TNPO3: variants seen among roughly 807,000 people sequenced by gnomAD.
The protein encoded by TNPO3 is transportin 3.
TNPO3 carries 65 observed loss-of-function variants against 122.8 expected under a neutral mutation model. The ratio of observed to expected loss-of-function variants is 0.53; its 90% CI spans 0.43 to 0.65. The LOEUF is 0.65. TNPO3 is among the 30% of genes least tolerant of loss of function. The pLI is 0.00. For missense variants in TNPO3, 850 were observed against 1,136.7 expected (o/e 0.75, Z 3.63); for synonymous variants, 372 against 411.2 (o/e 0.90, Z 1.15).
Position 129,015,101 on chromosome 7 carries a change from G to C in TNPO3, c.430C>G (p.Leu144Val). Reference protein sequence around the residue: ...SNDVTSLPFLLEILTVLPEEV... With the variant: ...SNDVTSLPFLVEILTVLPEEV... ...TCAGGTAACACTGTAAGGATCTCCA[G>C]CAAAAAAGGCAAAGAAGTCACATCA... The change falls in exon 4 of 23, where the codon CTG becomes GTG. Residue 144 changes from leucine (L) to valine (V), a missense_variant. By Grantham distance (32) the Leu-to-Val change is conservative (BLOSUM62 1). Transcript: ENST00000265388. 1 of 1,609,376 alleles carries C rather than the reference G, an allele frequency of 6.2e-7. No homozygotes were observed. Among genetic ancestry groups the C allele is most frequent in the Non-Finnish European group, 8.5e-7 (1 of 1,178,994 alleles).
chr7:128,982,201 A>G, intron 14 of TNPO3, 47 bp downstream of exon 14: 1 of 1,527,458 alleles, frequency 6.5e-7, no homozygotes. Flanking sequence ...CAATGGTTTC[A>G]TTTGAGCCTT....
intron 10 of TNPO3, among the ~76,000 whole-genome samples, chr7:128,991,010 A>T (rs1392513895): frequency 6.6e-6 from 1 of 152,206 alleles, no homozygotes; most frequent in Non-Finnish European, 1.5e-5. Flanking sequence ...TTTATGACTT[A>T]TGTTTCCTAG....
At chr7:129,037,515 G>A (rs1806828260) in intron 1 of TNPO3, among the ~76,000 whole-genome samples, 2 of 152,172 alleles carry the variant, frequency 1.3e-5, no homozygotes, top group Middle Eastern at 3.4e-3. Context: ...CCTGGGACTC[G>A]CAGACACAAG....
chr7:128,961,985 A>T (rs1797501076), intron 21 of TNPO3, among the ~76,000 whole-genome samples: 1 of 152,238 alleles, frequency 6.6e-6, no homozygotes, highest in South Asian at 2.1e-4. Flanking sequence ...GGTCTTAGTT[A>T]ATGATAGGTT....
At chr7:129,048,988 G>A (rs980120794) in intron 1 of TNPO3, among the ~76,000 whole-genome samples, 2 of 152,192 alleles carry the variant, frequency 1.3e-5, no homozygotes, top group African/African-American at 2.4e-5. Context: ...TTATAAAAAG[G>A]CAAACACAAT....
intron 14 of TNPO3, 41 bp from the exon 15 acceptor site, chr7:128,980,072 A>G (rs763234765): frequency 5.1e-6 from 8 of 1,570,156 alleles, no homozygotes; most frequent in East Asian, 2.2e-5. Flanking sequence ...ACAAAGACCA[A>G]TTTCACTGAG....
chr7:128,994,904 C>G (rs904342422), intron 8 of TNPO3, among the ~76,000 whole-genome samples: 4 of 152,080 alleles, frequency 2.6e-5, no homozygotes, highest in Non-Finnish European at 5.9e-5. Context: ...GCGATCTGCC[C>G]GCCTTGCCCT....
At position 128,979,034 on chromosome 7, in the gene TNPO3, A is replaced by G. The variant is rs768627085; in HGVS notation, c.2010T>C (p.Val670=). Residue 670 remains valine (V), a synonymous_variant, in exon 16 of 23, where the codon GTT becomes GTC. Transcript: ENST00000265388. Reference sequence around the variant, plus strand: ...CTGCAGATCCTTTGCCTACACAGCGAACAGCAAAGCGCAGGCACCTGCAAC... The same window carrying G: ...CTGCAGATCCTTTGCCTACACAGCGGACAGCAAAGCGCAGGCACCTGCAAC... ...ERCCRCLRFA[V]RCVGKGSAAL... 1 of 1,614,246 alleles carries G rather than the reference A, an allele frequency of 6.2e-7. No individual in the cohort carries two copies. Among genetic ancestry groups the G allele is most frequent in the Non-Finnish European group, 8.5e-7 (1 of 1,180,032 alleles).
intron 1 of TNPO3, among the ~76,000 whole-genome samples, chr7:129,053,587 G>A (rs1045159588): frequency 6.6e-6 from 1 of 151,344 alleles, no homozygotes; most frequent in African/African-American, 2.4e-5. Flanking sequence ...TTATGCACTT[G>A]CAGCCTAGGA....
At chr7:129,013,005 A>T (rs1247641370) in intron 4 of TNPO3, among the ~76,000 whole-genome samples, 1 of 152,172 alleles carries the variant, frequency 6.6e-6, no homozygotes, top group Non-Finnish European at 1.5e-5. Context: ...ATCACATCTA[A>T]TTTTTTAAAA....
At chr7:129,042,457 GAA>G (rs1807498366) in intron 1 of TNPO3, among the ~76,000 whole-genome samples, 2 of 152,252 alleles carry the variant, frequency 1.3e-5, no homozygotes, top group African/African-American at 2.4e-5. Context: ...TATAGAGCTA[GAA>G]AAGTCAGAAT....
intron 1 of TNPO3, among the ~76,000 whole-genome samples, chr7:129,051,836 T>G (rs1039101738): frequency 2.0e-5 from 3 of 151,702 alleles, no homozygotes; most frequent in Admixed American, 1.3e-4. Flanking sequence ...TAGAAACGGG[T>G]TTTCACCATG....
chr7:128,967,506 C>T, intron 20 of TNPO3, 114 bp from the exon 21 acceptor site: 2 of 645,376 alleles, frequency 3.1e-6, no homozygotes, highest in Non-Finnish European at 5.5e-6. Context: ...TACTTCCCTA[C>T]ACTTGGGAGC....
At chr7:129,005,856 G>A (rs376814644) in intron 4 of TNPO3, among the ~76,000 whole-genome samples, 233 of 145,702 alleles carry the variant, frequency 1.6e-3, no homozygotes, top group South Asian at 4.7e-3. Flanking sequence ...ATCTCGGCTC[G>A]CTGCAACCTC....
chr7:128,975,988 A>G (rs562033401), intron 16 of TNPO3, 53 bp from the exon 17 acceptor site: 14 of 1,273,722 alleles, frequency 1.1e-5, no homozygotes, highest in African/African-American at 1.0e-4. Flanking sequence ...AAAAGTACCA[A>G]CTTACGAAGC....
chr7:129,027,558 C>CAAAAAAAAAAAAAAAAAAAAAAAAA lies in TNPO3; in HGVS notation c.121-9426_121-9402dup, dbSNP rs71162549. The stretch of plus-strand genomic sequence containing the variant: ...CCTGGGCAACAGAGCAAGACTGTCT[C>CAAAAAAAAAAAAAAAAAAAAAAAAA]AAAAAAAAAAAAAAAAAAAAAAAAA... On this transcript the variant is annotated intron_variant, in intron 1 of 22. Coordinates refer to ENST00000265388, the MANE Select transcript of TNPO3 (RefSeq NM_012470.4). Among the ~76,000 whole-genome samples, 5 of 8,972 alleles carry CAAAAAAAAAAAAAAAAAAAAAAAAA rather than the reference C, an allele frequency of 5.6e-4. 2 individuals carry two copies. Among genetic ancestry groups the CAAAAAAAAAAAAAAAAAAAAAAAAA allele is most frequent in the Non-Finnish European group, 9.1e-4 (5 of 5,508 alleles). The allele number at this position is 8,972 out of a possible 152,430, so 5.9% of individuals were successfully genotyped here.
chr7:129,034,472 T>C (rs1308772806), intron 1 of TNPO3, among the ~76,000 whole-genome samples: 1 of 151,544 alleles, frequency 6.6e-6, no homozygotes, highest in Non-Finnish European at 1.5e-5. Context: ...CGCCACTGCA[T>C]TCCAGCCTGG....
intron 20 of TNPO3, 30 bp downstream of exon 20, chr7:128,970,118 G>A: frequency 1.2e-6 from 2 of 1,613,524 alleles, no homozygotes; most frequent in East Asian, 2.2e-5. Flanking sequence ...TAGGGACTAT[G>A]AGATAAATTC....
chr7:128,967,995 A>G (rs918496382), intron 20 of TNPO3, among the ~76,000 whole-genome samples: 3 of 152,116 alleles, frequency 2.0e-5, no homozygotes, highest in Non-Finnish European at 4.4e-5. Flanking sequence ...TGGGCTCAAG[A>G]GATCCTCCCA....
Sources: allele counts gnomAD v4.1 joint callset (sites outside exome capture counted in the v4.1 genomes callset), GRCh38; gene constraint gnomAD v4.1.1; transcripts MANE v1.5; gene names NCBI Gene and HGNC (gene_info 2026-07-23, HGNC 2026-07-21).